The following AGAP1 variants were observed in gnomAD, a reference collection of about 807,000 sequenced individuals.
AGAP1 encodes the protein ArfGAP with GTPase domain, ankyrin repeat and PH domain 1, also known as arf-GAP with GTPase, ANK repeat and PH domain-containing protein 1.
Under a neutral mutation model 105.3 loss-of-function variants are expected in AGAP1, and 29 were observed. The ratio of observed to expected loss-of-function variants is 0.28; its 90% CI spans 0.21 to 0.38. The LOEUF is 0.38. AGAP1 is among the 10% of genes least tolerant of loss of function. The pLI is 1.00. For missense variants in AGAP1, 998 were observed against 1,165.1 expected (o/e 0.86, Z 2.09); for synonymous variants, 509 against 485.9 (o/e 1.05, Z -0.63).
intron 6 of AGAP1, among the ~76,000 whole-genome samples, chr2:235,797,517 T>C (rs1227584786): frequency 6.7e-6 from 1 of 150,056 alleles, no homozygotes; most frequent in African/African-American, 2.5e-5. Flanking sequence ...TCTGCTCTCA[T>C]CCTGCTGGCC....
chr2:235,684,546 C>G (rs774704664), intron 1 of AGAP1, among the ~76,000 whole-genome samples: 5 of 152,314 alleles, frequency 3.3e-5, no homozygotes, highest in Middle Eastern at 3.4e-3. Flanking sequence ...TGGACTGTAA[C>G]TTTTGCAGCA....
At position 235,835,127 on chromosome 2, in the gene AGAP1, G is replaced by T. The variant is rs563099448; in HGVS notation, c.1050+27796G>T. 7.9e-5 allele frequency among the ~76,000 whole-genome samples: 12 copies of T among 152,322 alleles called. No homozygotes were observed. The East Asian group carries it at 1.7e-3, about 22-fold the overall frequency. ...CAGTAGCCTCACTGGATGGACAGGTGCCCTCAGTGTGTTCCCCGGGCATGC... is the reference window on the plus strand; with the variant it reads ...CAGTAGCCTCACTGGATGGACAGGTTCCCTCAGTGTGTTCCCCGGGCATGC... On this transcript the variant is annotated intron_variant, in intron 9 of 17. Coordinates refer to ENST00000304032, the MANE Select transcript of AGAP1 (RefSeq NM_001037131.3).
chr2:235,984,860 C>T (rs535246833), intron 13 of AGAP1, among the ~76,000 whole-genome samples: 1 of 152,048 alleles, frequency 6.6e-6, no homozygotes, highest in Non-Finnish European at 1.5e-5. Context: ...CATTGTTGGA[C>T]ATTTGGGTTT....
intron 13 of AGAP1, among the ~76,000 whole-genome samples, chr2:235,986,883 G>A (rs757351081): frequency 6.6e-6 from 1 of 152,100 alleles, no homozygotes; most frequent in Non-Finnish European, 1.5e-5. Context: ...CCAGTATTTT[G>A]TTGAGGATTT....
chr2:235,807,225 C>T lies in AGAP1; in HGVS notation c.958-14C>T, dbSNP rs780628056. The T allele has an allele frequency of 3.7e-6, 6 of 1,609,156 alleles. No individual in the cohort carries two copies. Among genetic ancestry groups the T allele is most frequent in the Non-Finnish European group, 5.1e-6 (6 of 1,178,804 alleles). ...AGCCCTTACCCAGATGCCAACTTTC[C>T]TTTTGCTTTGCAGTCTCGGAAAGGG... On this transcript the variant is annotated splice_polypyrimidine_tract_variant and intron_variant, in intron 8 of 17. Coordinates refer to ENST00000304032, the MANE Select transcript of AGAP1 (RefSeq NM_001037131.3).
At chr2:235,899,949 A>C (rs1484597734) in intron 10 of AGAP1, among the ~76,000 whole-genome samples, 2 of 152,256 alleles carry the variant, frequency 1.3e-5, no homozygotes, top group Non-Finnish European at 2.9e-5. Context: ...AGGTGTATTC[A>C]TAATTCGATT....
chr2:235,653,729 G>T (rs1947685192), intron 1 of AGAP1, among the ~76,000 whole-genome samples: 1 of 152,156 alleles, frequency 6.6e-6, no homozygotes, highest in Admixed American at 6.5e-5. Context: ...CAGCCTACAT[G>T]CAAGTTTAAA....
In AGAP1 at chr2:235,620,693, C is replaced by G. The variant is rs909697979; in HGVS notation, c.164-88486C>G. Among the ~76,000 whole-genome samples, 1 of 152,192 alleles carries G rather than the reference C, an allele frequency of 6.6e-6. No homozygotes were observed. Among genetic ancestry groups the G allele is most frequent in the Non-Finnish European group, 1.5e-5 (1 of 68,040 alleles). On this transcript the variant is annotated intron_variant, in intron 1 of 17. Coordinates refer to ENST00000304032, the MANE Select transcript of AGAP1 (RefSeq NM_001037131.3). This position sits in a 1 kb window ranked among gnomAD's most constrained non-coding sequence, Gnocchi z 4.5. ...CCTGACATGTCTGGTGTCTCTCTCTCCCCACTGGATGGAATATAAGGGCTT... is the reference window on the plus strand; with the variant it reads ...CCTGACATGTCTGGTGTCTCTCTCTGCCCACTGGATGGAATATAAGGGCTT...
rs140243684 is a variant in AGAP1 at position 235,622,991 on chromosome 2, CTG to C, written c.164-86186_164-86185del. On this transcript the variant is annotated intron_variant, in intron 1 of 17. Transcript: ENST00000304032. The surrounding 1 kb of genome is among the most constrained non-coding windows in gnomAD (Gnocchi z 5.0). ...AGGGGAACAAAGTCAACAGCAATGA[CTG>C]TCGCTGAATCTTAAGTTTATTCTGG... Among the ~76,000 whole-genome samples, 2,594 of 152,288 alleles carry C rather than the reference CTG, an allele frequency of 0.017. 66 individuals carry two copies. Among genetic ancestry groups the C allele is most frequent in the African/African-American group, 0.058 (2,407 of 41,550 alleles).
At position 235,550,470 on chromosome 2, in the gene AGAP1, C is replaced by T. The variant is rs1360572897; in HGVS notation, c.163+55621C>T. Among the ~76,000 whole-genome samples the T allele has an allele frequency of 6.6e-6, 1 of 152,224 alleles. No individual in the cohort carries two copies. Among genetic ancestry groups the T allele is most frequent in the African/African-American group, 2.4e-5 (1 of 41,460 alleles). ...GCTCTGCCTTCCTCTCCTCAAATGC[C>T]ATTCACAGCAGTGTCAGTGCCTGCC... is the stretch of plus-strand genomic sequence containing the variant. On this transcript the variant is annotated intron_variant, in intron 1 of 17. Coordinates refer to ENST00000304032, the MANE Select transcript of AGAP1 (RefSeq NM_001037131.3). The surrounding 1 kb of genome is among the most constrained non-coding windows in gnomAD (Gnocchi z 4.6).
rs528766470 is a variant in AGAP1 at position 236,025,880 on chromosome 2, C to T, written c.1646-10681C>T. Among the ~76,000 whole-genome samples the T allele has an allele frequency of 1.3e-3, 67 of 52,746 alleles. No individual in the cohort carries two copies. The East Asian group carries it at 0.02, about 16-fold the overall frequency. The allele number at this position is 52,746 out of a possible 152,430, so 34.6% of individuals were successfully genotyped here. ...TGGTGCCACTGCACTCCAGCCTGAG[C>T]GACAGAGGGAGACTCCTTCTCGGGT... On this transcript the variant is annotated intron_variant, in intron 13 of 17. Coordinates refer to ENST00000304032, the MANE Select transcript of AGAP1 (RefSeq NM_001037131.3).
chr2:235,754,412 G>A lies in AGAP1; in HGVS notation c.673+3924G>A, dbSNP rs1382783133. On this transcript the variant is annotated intron_variant, in intron 6 of 17. Transcript: ENST00000304032. The surrounding 1 kb of genome is among the most constrained non-coding windows in gnomAD (Gnocchi z 4.6). ...GAAAAGCGTGTAATTTCTACATAATGTTTGGCTTGTAAATAAAAAAAAAAA... is the reference window on the plus strand; with the variant it reads ...GAAAAGCGTGTAATTTCTACATAATATTTGGCTTGTAAATAAAAAAAAAAA... 6.8e-6 allele frequency among the ~76,000 whole-genome samples: 1 copy of A among 147,874 alleles called. No individual in the cohort carries two copies. The highest frequency in any genetic ancestry group is 1.5e-5 in the Non-Finnish European group (1 of 67,140).
intron 2 of AGAP1, 48 bp from the exon 3 acceptor site, chr2:235,717,509 A>G (rs748571498): frequency 1.8e-5 from 28 of 1,520,524 alleles, no homozygotes; most frequent in Admixed American, 4.5e-5. Flanking sequence ...GCAAAATGCC[A>G]AATAGAGTGA....
At chr2:236,099,175 A>G (rs911289911) in intron 16 of AGAP1, among the ~76,000 whole-genome samples, 19 of 151,480 alleles carry the variant, frequency 1.3e-4, no homozygotes, top group East Asian at 6.0e-4. Flanking sequence ...GCTTGGGGCC[A>G]GGTGCGGTGG....
intron 1 of AGAP1, among the ~76,000 whole-genome samples, chr2:235,581,020 G>A (rs1166081404): frequency 6.6e-6 from 1 of 151,838 alleles, no homozygotes; most frequent in East Asian, 1.9e-4. Context: ...CGTGAGGTGT[G>A]GAGTGGAGGC....
chr2:235,769,686 C>A lies in AGAP1; in HGVS notation c.673+19198C>A, dbSNP rs1955260313. The stretch of plus-strand genomic sequence containing the variant: ...TGCTGTAAAATATCGTGGTCAAAAT[C>A]TCGGGGAGGCAGTGAAAAAAAAACG... On this transcript the variant is annotated intron_variant, in intron 6 of 17. Transcript: ENST00000304032. This position sits in a 1 kb window ranked among gnomAD's most constrained non-coding sequence, Gnocchi z 4.4. Among the ~76,000 whole-genome samples, 1 of 151,972 alleles carries A rather than the reference C, an allele frequency of 6.6e-6. No homozygotes were observed. Among genetic ancestry groups the A allele is most frequent in the Admixed American group, 6.6e-5 (1 of 15,256 alleles).
intron 1 of AGAP1, among the ~76,000 whole-genome samples, chr2:235,680,851 TG>T (rs1420458040): frequency 6.6e-6 from 1 of 152,116 alleles, no homozygotes; most frequent in Non-Finnish European, 1.5e-5. Context: ...CCACACTTCC[TG>T]GGCCAGCTTC....
chr2:235,833,509 C>T (rs1323566083), intron 9 of AGAP1, among the ~76,000 whole-genome samples: 1 of 151,994 alleles, frequency 6.6e-6, no homozygotes, highest in Non-Finnish European at 1.5e-5. Flanking sequence ...TCTCCAAGGC[C>T]CTCATGCTCA....
At chr2:236,075,413 A>G (rs1429040305) in intron 16 of AGAP1, among the ~76,000 whole-genome samples, 4 of 152,194 alleles carry the variant, frequency 2.6e-5, no homozygotes, top group Admixed American at 6.5e-5. Context: ...TAAGGAAAAC[A>G]TAAGACAGAT....
Sources: allele counts gnomAD v4.1 joint callset (sites outside exome capture counted in the v4.1 genomes callset), GRCh38; gene constraint gnomAD v4.1.1; non-coding constraint Gnocchi (gnomAD v3.1); transcripts MANE v1.5; gene names NCBI Gene and HGNC (gene_info 2026-07-23, HGNC 2026-07-21).